Variants in MICAL2 observed in about 807,000 individuals in gnomAD.
MICAL2 encodes the protein microtubule associated monooxygenase, calponin and LIM domain containing 2.
A neutral mutation model predicts 127.3 loss-of-function variants in MICAL2; 77 were observed. The ratio of observed to expected loss-of-function variants is 0.60; its 90% CI spans 0.50 to 0.73. MICAL2 has a LOEUF of 0.73. MICAL2 is among the 30% of genes least tolerant of loss of function. The pLI is 0.00. For synonymous variants in MICAL2, 570 were observed against 551.1 expected, an observed-to-expected ratio of 1.03 and a Z score of -0.48; for missense variants, 1,351 against 1,434.4, an observed-to-expected ratio of 0.94 and a Z score of 0.94.
At chr11:12,159,948 C>A (rs537570120) in intron 2 of MICAL2, among the ~76,000 whole-genome samples, 22 of 152,316 alleles carry the variant, frequency 1.4e-4, no homozygotes, top group South Asian at 6.2e-4. Flanking sequence ...GAGCCCCCTT[C>A]CCCAGTCTAC....
chr11:12,281,240 G>A, intron 2 of MICAL2: 1 of 396,802 alleles, frequency 2.5e-6, no homozygotes, highest in Non-Finnish European at 4.4e-6. Flanking sequence ...GGACCTTTGG[G>A]GAGTGGGACG....
chr11:12,184,388 G>A (rs1857890689), intron 3 of MICAL2, among the ~76,000 whole-genome samples: 1 of 152,166 alleles, frequency 6.6e-6, no homozygotes, highest in Non-Finnish European at 1.5e-5. Context: ...CCAAGAGAGG[G>A]CTCCACTGCA....
At chr11:12,348,886 T>C (rs1324731464) in intron 32 of MICAL2, among the ~76,000 whole-genome samples, 2 of 152,236 alleles carry the variant, frequency 1.3e-5, no homozygotes, top group Non-Finnish European at 2.9e-5. Context: ...AACTGGCATG[T>C]AATCACTACA....
At chr11:12,139,884 T>G (rs1852182931) in intron 2 of MICAL2, among the ~76,000 whole-genome samples, 1 of 152,234 alleles carries the variant, frequency 6.6e-6, no homozygotes, top group Non-Finnish European at 1.5e-5. Flanking sequence ...GTTCTGTTTC[T>G]GTTGAACACA....
chr11:12,358,408 A>G (rs1347223162), exon 35 of MICAL2: 25 of 1,614,218 alleles, frequency 1.5e-5, no homozygotes, highest in Non-Finnish European at 2.1e-5. Context: ...ACAACGCATC[A>G]GAGAAAAAGC....
chr11:12,145,455 G>A (rs1006737360), intron 2 of MICAL2, among the ~76,000 whole-genome samples: 3 of 152,144 alleles, frequency 2.0e-5, no homozygotes, highest in Non-Finnish European at 4.4e-5. Context: ...GATCTACTGG[G>A]AATGCTGGCC....
chr11:12,332,039 A>T (rs1938642326), intron 32 of MICAL2, among the ~76,000 whole-genome samples: 1 of 152,062 alleles, frequency 6.6e-6, no homozygotes, highest in Non-Finnish European at 1.5e-5. Context: ...CTCAATGAGG[A>T]CTCATTGTTA....
chr11:12,342,009 T>G (rs2134882877), intron 32 of MICAL2, among the ~76,000 whole-genome samples: 1 of 152,282 alleles, frequency 6.6e-6, no homozygotes, highest in African/African-American at 2.4e-5. Flanking sequence ...AAAAAGTCAC[T>G]TTGTGTTGGG....
At chr11:12,177,199 G>A (rs901595238) in intron 3 of MICAL2, among the ~76,000 whole-genome samples, 3 of 152,108 alleles carry the variant, frequency 2.0e-5, no homozygotes, top group African/African-American at 7.2e-5. Flanking sequence ...ATCCTAATGG[G>A]TGTGAGGTGG....
intron 1 of MICAL2, among the ~76,000 whole-genome samples, chr11:12,136,281 G>A (rs1343663122): frequency 6.6e-6 from 1 of 152,150 alleles, no homozygotes; most frequent in Non-Finnish European, 1.5e-5. Flanking sequence ...GCATGGGCGT[G>A]GACTCAGGCC....
At chr11:12,277,015 G>C (rs1125910) in intron 1 of MICAL2, among the ~76,000 whole-genome samples, 3 of 151,836 alleles carry the variant, frequency 2.0e-5, no homozygotes, top group Non-Finnish European at 2.9e-5. Flanking sequence ...GCCCCAAAGC[G>C]AGTGACTTAA....
intron 29 of MICAL2, among the ~76,000 whole-genome samples, chr11:12,298,305 A>T (rs1864010034): frequency 6.6e-6 from 1 of 152,036 alleles, no homozygotes. Context: ...TGTTGTTTGT[A>T]TATATGAAAG....
In MICAL2 at chr11:12,324,498, A is replaced by G. The variant is rs180838761; in HGVS notation, c.5421+428A>G. On this transcript the variant is annotated intron_variant, in intron 31 of 34. Transcript: ENST00000646065. ...CTCTATTTCAAGATTAGTTGAAATC[A>G]TAAGTATCTAGCATTCCAATACAGA... Among the ~76,000 whole-genome samples, 559 of 152,338 alleles carry G rather than the reference A, an allele frequency of 3.7e-3. 5 individuals are homozygous for G. The highest frequency in any genetic ancestry group is 6.8e-3 in the Admixed American group (104 of 15,306).
intron 16 of MICAL2, among the ~76,000 whole-genome samples, chr11:12,237,521 G>A (rs1041473461): frequency 4.6e-5 from 7 of 152,236 alleles, no homozygotes; most frequent in Non-Finnish European, 1.5e-5. Flanking sequence ...TGTCTCAGGT[G>A]GAAGTCTTTT....
chr11:12,297,556 T>C (rs954574117), intron 29 of MICAL2, among the ~76,000 whole-genome samples: 1 of 152,132 alleles, frequency 6.6e-6, no homozygotes, highest in African/African-American at 2.4e-5. Flanking sequence ...TTTTATTGCA[T>C]GTCTTCTGGG....
chr11:12,199,520 C>T (rs942208330), intron 3 of MICAL2, among the ~76,000 whole-genome samples: 1 of 152,144 alleles, frequency 6.6e-6, no homozygotes, highest in African/African-American at 2.4e-5. Context: ...AGCACTTGGT[C>T]CCCTCGGCAT....
chr11:12,229,920 C>T (rs1857995133), intron 15 of MICAL2, among the ~76,000 whole-genome samples: 1 of 152,236 alleles, frequency 6.6e-6, no homozygotes, highest in South Asian at 2.1e-4. Flanking sequence ...TTAATCCTTG[C>T]ACTCTACCCC....
At position 12,356,400 on chromosome 11, in the gene MICAL2, C is replaced by A. The variant is rs546217032; in HGVS notation, c.5689+1543C>A. Among the ~76,000 whole-genome samples the A allele has an allele frequency of 3.3e-5, 5 of 152,260 alleles. No homozygotes were observed. In the East Asian group the frequency reaches 9.7e-4, roughly 29 times the overall value. On this transcript the variant is annotated intron_variant, in intron 34 of 34. Coordinates refer to the MICAL2 transcript ENST00000646065. ...AAATGTGCAGTCTTGAAGATGCCAC[C>A]CCTCCCTTCTCTGTCTCTCCCCAGG...
At chr11:12,245,947 C>G (rs1217989540) in intron 21 of MICAL2, among the ~76,000 whole-genome samples, 3 of 152,226 alleles carry the variant, frequency 2.0e-5, no homozygotes, top group Admixed American at 6.5e-5. Flanking sequence ...GTTGGTCAGC[C>G]AGGCCCACAC....
Sources: allele counts gnomAD v4.1 joint callset (sites outside exome capture counted in the v4.1 genomes callset), GRCh38; gene constraint gnomAD v4.1.1; transcripts MANE v1.5; gene names NCBI Gene and HGNC (gene_info 2026-07-23, HGNC 2026-07-21).